The following CEP68 variants were observed in gnomAD, a reference collection of about 807,000 sequenced individuals.
The protein encoded by CEP68 is centrosomal protein of 68 kDa.
Under a neutral mutation model 55.3 loss-of-function variants are expected in CEP68, and 26 were observed. The observed-to-expected ratio is 0.47, with a 90% CI of 0.34 to 0.65. CEP68 has a LOEUF of 0.65. CEP68 is among the 30% of genes least tolerant of loss of function. CEP68 has a pLI of 0.01. For missense variants in CEP68, 957 were observed against 946.7 expected (o/e 1.01, Z -0.14); for synonymous variants, 402 against 383.2 (o/e 1.05, Z -0.57).
chr2:65,063,229 A>G (rs1273826375), intron 1 of CEP68, among the ~76,000 whole-genome samples: 1 of 152,240 alleles, frequency 6.6e-6, no homozygotes, highest in African/African-American at 2.4e-5. Context: ...CAAAGTCCAG[A>G]TGGTCCCTAG....
At position 65,072,746 on chromosome 2, in the gene CEP68, T is replaced by G. The variant is rs1254116800; in HGVS notation, c.1650T>G (p.Asp550Glu). ...GAGCTGCCCTCCAAGGATCTGGGGATCCTGAGGGCCAGAATCCCTGTTTCC... is the reference window on the plus strand; with the variant it reads ...GAGCTGCCCTCCAAGGATCTGGGGAGCCTGAGGGCCAGAATCCCTGTTTCC... ...PPGAALQGSG[D>E]PEGQNPCFLR... The change falls in exon 3 of 7, where the codon GAT (aspartate) becomes GAG (glutamate). Residue 550 changes from aspartate (D) to glutamate (E), a missense_variant. Transcript: ENST00000377990. 4 of 1,613,946 alleles carry G rather than the reference T, an allele frequency of 2.5e-6. No homozygotes were observed. Among genetic ancestry groups the G allele is most frequent in the African/African-American group, 1.3e-5 (1 of 74,912 alleles).
chr2:65,074,688 C>G, intron 4 of CEP68: 1 of 394,650 alleles, frequency 2.5e-6, no homozygotes. Flanking sequence ...GTCTTTTATC[C>G]CAGCTACTCT....
At chr2:65,064,607 G>A (rs1409580714) in intron 1 of CEP68, among the ~76,000 whole-genome samples, 1 of 151,982 alleles carries the variant, frequency 6.6e-6, no homozygotes, top group African/African-American at 2.4e-5. Flanking sequence ...GGTGGTGGGC[G>A]CCTGTAGTCC....
rs758095710 is a variant in CEP68 at position 65,085,975 on chromosome 2, TA to T, written c.*2344del. On this transcript the variant is annotated 3_prime_UTR_variant, in exon 7 of 7. Coordinates refer to ENST00000377990, the MANE Select transcript of CEP68 (RefSeq NM_015147.3). ...GTAGTCCCTTAAAATTAATGGAAGTTAAATCCACAGGGAAGTGATGATACTC... is the reference window on the plus strand; with the variant it reads ...GTAGTCCCTTAAAATTAATGGAAGTTAATCCACAGGGAAGTGATGATACTC... 1 of 152,214 alleles carries T rather than the reference TA, an allele frequency of 6.6e-6. No individual in the cohort carries two copies. The highest frequency in any genetic ancestry group is 1.5e-5 in the Non-Finnish European group (1 of 68,042). The allele number at this position is 152,214 out of a possible 1,614,324, so 9.4% of individuals were successfully genotyped here.
At chr2:65,078,818 A>G (rs923109571) in intron 5 of CEP68, among the ~76,000 whole-genome samples, 1 of 152,214 alleles carries the variant, frequency 6.6e-6, no homozygotes, top group East Asian at 1.9e-4. Flanking sequence ...TGCTGGGATT[A>G]CAGGCGTGAG....
chr2:65,061,381 C>A (rs1675908344), intron 1 of CEP68, among the ~76,000 whole-genome samples: 1 of 152,174 alleles, frequency 6.6e-6, no homozygotes, highest in Admixed American at 6.5e-5. Context: ...TCCTAGGGCC[C>A]TGGGAGATTC....
rs760041664 is a variant in CEP68, at chr2:65,077,906, G to A, written c.2046G>A (p.Thr682=). The change falls in exon 5 of 7, where the codon ACG becomes ACA. Residue 682 remains threonine (T), a synonymous_variant. Coordinates refer to ENST00000377990, the MANE Select transcript of CEP68 (RefSeq NM_015147.3). The part of the protein sequence containing the change: ...KKDIDEHQSL[T]ESVLQKGEIL... Reference sequence around the variant, plus strand: ...ATATAGATGAACATCAGTCTCTGACGGAGAGTGTCTTACAGAAGGGGGAGA... The same window carrying A: ...ATATAGATGAACATCAGTCTCTGACAGAGAGTGTCTTACAGAAGGGGGAGA... The A allele has an allele frequency of 1.2e-5, 19 of 1,613,802 alleles. No homozygotes were observed. Among genetic ancestry groups the A allele is most frequent in the Non-Finnish European group, 1.4e-5 (17 of 1,179,868 alleles).
At chr2:65,071,180 T>G in intron 2 of CEP68, 3 of 475,972 alleles carry the variant, frequency 6.3e-6, no homozygotes, top group South Asian at 2.5e-5. Context: ...GCTGTCTGAG[T>G]TCTGCTTGCT....
chr2:65,086,930 A>G lies in CEP68; in HGVS notation c.*3296A>G, dbSNP rs1669045369. ...AATATTCTGTCCATTTCATTTTACA[A>G]TTATCTTACCACTTATTTTTGTACC... On this transcript the variant is annotated 3_prime_UTR_variant, in exon 7 of 7. Transcript: ENST00000377990. The G allele has an allele frequency of 6.6e-6, 1 of 152,622 alleles. No individual in the cohort carries two copies. Among genetic ancestry groups the G allele is most frequent in the South Asian group, 2.1e-4 (1 of 4,832 alleles). 9.5% of individuals were successfully genotyped at this position (152,622 alleles called of 1,614,324 possible). A position where few individuals can be genotyped will look rare whatever the true frequency, so the allele number is the denominator to read the frequency against.
intron 1 of CEP68, among the ~76,000 whole-genome samples, chr2:65,066,361 C>T (rs1327438358): frequency 6.6e-6 from 1 of 152,106 alleles, no homozygotes; most frequent in Non-Finnish European, 1.5e-5. Context: ...CTTTGGGAGG[C>T]TGAGGCGGGT....
At chr2:65,063,795 G>C (rs941866886) in intron 1 of CEP68, among the ~76,000 whole-genome samples, 1 of 152,130 alleles carries the variant, frequency 6.6e-6, no homozygotes, top group African/African-American at 2.4e-5. Flanking sequence ...CATGATTGCT[G>C]TTTTAAAAGA....
In CEP68 at chr2:65,086,753, C is replaced by A. The variant is rs1461094860; in HGVS notation, c.*3119C>A. The A allele has an allele frequency of 1.3e-5, 2 of 152,608 alleles. No individual in the cohort carries two copies. The highest frequency in any genetic ancestry group is 2.4e-5 in the African/African-American group (1 of 41,454). 9.5% of individuals were successfully genotyped at this position (152,608 alleles called of 1,614,324 possible). ...CTGTATTAAGGCAAAAACAAAACTT[C>A]TGAAGCATTAAAGATCTTCACCAAA... is the stretch of plus-strand genomic sequence containing the variant. On this transcript the variant is annotated 3_prime_UTR_variant, in exon 7 of 7. Transcript: ENST00000377990.
chr2:65,075,950 C>T (rs183708889), intron 4 of CEP68, among the ~76,000 whole-genome samples: 10 of 152,146 alleles, frequency 6.6e-5, no homozygotes, highest in African/African-American at 2.4e-4. Flanking sequence ...AACTTGGGGC[C>T]AACTAAAGTG....
At position 65,083,702 on chromosome 2, in the gene CEP68, CAAG is replaced by C. The variant is rs1204095538; in HGVS notation, c.*72_*74del. The C allele has an allele frequency of 6.6e-6, 1 of 152,234 alleles. No individual in the cohort carries two copies. The highest frequency in any genetic ancestry group is 2.1e-4 in the South Asian group (1 of 4,832). The allele number at this position is 152,234 out of a possible 1,614,324, so 9.4% of individuals were successfully genotyped here. A position where few individuals can be genotyped will look rare whatever the true frequency, so the allele number is the denominator to read the frequency against. On this transcript the variant is annotated 3_prime_UTR_variant, in exon 7 of 7. Transcript: ENST00000377990. ...ACTGGCTAGTGAGAAAAAAAACCTT[CAAG>C]AAGTCCTTGCAAGAGCCATTCAACA...
intron 5 of CEP68, among the ~76,000 whole-genome samples, chr2:65,081,636 GAAC>G (rs1024738953): frequency 5.3e-5 from 8 of 152,222 alleles, no homozygotes; most frequent in Admixed American, 2.6e-4. Context: ...TTCCTCACAT[GAAC>G]AACAATTCTG....
chr2:65,074,541 A>G (rs1676668291), intron 4 of CEP68, 137 bp downstream of exon 4: 2 of 1,264,794 alleles, frequency 1.6e-6, no homozygotes, highest in Non-Finnish European at 2.3e-6. Context: ...ATCTAATTAG[A>G]GCTTCACATT....
intron 4 of CEP68, chr2:65,074,900 G>T: frequency 5.1e-6 from 1 of 195,658 alleles, no homozygotes; most frequent in Non-Finnish European, 1.1e-5. Flanking sequence ...AGTTATGTAT[G>T]GCTATTGAAG....
At chr2:65,059,639 A>T (rs1675815108) in intron 1 of CEP68, among the ~76,000 whole-genome samples, 1 of 152,216 alleles carries the variant, frequency 6.6e-6, no homozygotes, top group African/African-American at 2.4e-5. Context: ...TGTGGCTGGC[A>T]TATAGGCACC....
chr2:65,069,658 C>G lies in CEP68; in HGVS notation c.214C>G (p.Pro72Ala), dbSNP rs1198510898. The change falls in exon 2 of 7, where the codon CCT becomes GCT. Residue 72 changes from proline to alanine, a missense_variant. By Grantham distance (27) the Pro-to-Ala change is conservative. Coordinates refer to ENST00000377990, the MANE Select transcript of CEP68 (RefSeq NM_015147.3). ...PAPTCWIGTD[P>A]GGPSRAHQPQ... ...CCCTACTTGCTGGATTGGGACTGAC[C>G]CTGGCGGCCCCTCTAGAGCCCACCA... The G allele has an allele frequency of 1.2e-6, 2 of 1,614,020 alleles. No homozygotes were observed. Among genetic ancestry groups the G allele is most frequent in the Admixed American group, 1.7e-5 (1 of 60,020 alleles).
Sources: gnomAD v4.1 joint callset for allele counts (sites outside exome capture counted in the v4.1 genomes callset) on GRCh38, gnomAD v4.1.1 for gene constraint, MANE v1.5 for transcripts, NCBI Gene and HGNC (gene_info 2026-07-23, HGNC 2026-07-21) for gene names.